GRIK2: variants seen among roughly 807,000 people sequenced by gnomAD.
The protein encoded by GRIK2 is glutamate receptor ionotropic, kainate 2.
A neutral mutation model predicts 100.3 loss-of-function variants in GRIK2; 32 were observed. The observed-to-expected ratio is 0.32, with a 90% CI of 0.24 to 0.43. The LOEUF is 0.43. GRIK2 is among the 20% of genes least tolerant of loss of function. GRIK2 has a pLI of 1.00. For missense variants in GRIK2, 843 were observed against 1,114.9 expected (o/e 0.76, Z 3.47); for synonymous variants, 417 against 389.4 (o/e 1.07, Z -0.83).
At chr6:102,064,724 C>T (rs1178299202) in intron 16 of GRIK2, among the ~76,000 whole-genome samples, 2 of 151,064 alleles carry the variant, frequency 1.3e-5, no homozygotes, top group African/African-American at 4.8e-5. Flanking sequence ...TTTCACAAAA[C>T]TCTGTATAGT....
At chr6:101,915,318 AC>A (rs1789029384) in intron 12 of GRIK2, among the ~76,000 whole-genome samples, 1 of 151,436 alleles carries the variant, frequency 6.6e-6, no homozygotes, top group Admixed American at 6.6e-5. Flanking sequence ...TACATAAACT[AC>A]GTATTTGGAA....
intron 2 of GRIK2, among the ~76,000 whole-genome samples, chr6:101,579,836 C>A (rs1292501536): frequency 4.9e-5 from 7 of 142,952 alleles, no homozygotes; most frequent in Non-Finnish European, 1.1e-4. Flanking sequence ...GGCAACAGAG[C>A]GAGACTGTGT....
chr6:101,869,113 A>G (rs967492644), intron 11 of GRIK2, among the ~76,000 whole-genome samples: 1 of 151,896 alleles, frequency 6.6e-6, no homozygotes, highest in Non-Finnish European at 1.5e-5. Context: ...AGTTCATTTA[A>G]TTGAAGCACG....
chr6:101,817,661 T>C (rs1057063473), intron 9 of GRIK2, among the ~76,000 whole-genome samples: 19 of 152,216 alleles, frequency 1.2e-4, no homozygotes, highest in African/African-American at 4.6e-4. Context: ...TCATAGTCTG[T>C]GTTCAGTGAA....
intron 12 of GRIK2, among the ~76,000 whole-genome samples, chr6:101,922,284 C>T (rs1458428107): frequency 2.6e-5 from 4 of 152,078 alleles, no homozygotes; most frequent in Non-Finnish European, 4.4e-5. Flanking sequence ...TCATTCCTCT[C>T]ATTTCCCATG....
At chr6:102,053,878 A>G (rs568378206) in intron 15 of GRIK2, among the ~76,000 whole-genome samples, 2 of 152,262 alleles carry the variant, frequency 1.3e-5, no homozygotes, top group South Asian at 4.1e-4. Flanking sequence ...TCAAGACAGA[A>G]AGTAGTATAA....
chr6:101,462,414 G>A (rs1271490105), intron 2 of GRIK2, among the ~76,000 whole-genome samples: 2 of 152,080 alleles, frequency 1.3e-5, no homozygotes, highest in African/African-American at 2.4e-5. Context: ...TGTCCCTTTG[G>A]TTTTGGAGAA....
At chr6:101,519,284 G>A (rs987116325) in intron 2 of GRIK2, among the ~76,000 whole-genome samples, 5 of 149,534 alleles carry the variant, frequency 3.3e-5, no homozygotes, top group African/African-American at 4.9e-5. Context: ...CCCTAATGGC[G>A]CATTGCGGAG....
At chr6:101,999,688 C>T (rs549518392) in intron 14 of GRIK2, among the ~76,000 whole-genome samples, 2 of 151,976 alleles carry the variant, frequency 1.3e-5, no homozygotes, top group Admixed American at 6.6e-5. Flanking sequence ...GTTTTTTGTG[C>T]CTTACTGTAT....
chr6:101,483,957 A>G (rs1041177983), intron 2 of GRIK2, among the ~76,000 whole-genome samples: 1 of 152,244 alleles, frequency 6.6e-6, no homozygotes, highest in Non-Finnish European at 1.5e-5. Flanking sequence ...TATTTTGCCA[A>G]CATAAGATTA....
intron 2 of GRIK2, among the ~76,000 whole-genome samples, chr6:101,475,544 C>G (rs1412407417): frequency 6.6e-6 from 1 of 151,872 alleles, no homozygotes; most frequent in Non-Finnish European, 1.5e-5. Context: ...ATGTCTTTCT[C>G]TTTATTGAAA....
At chr6:102,036,688 G>C (rs1275080018) in intron 15 of GRIK2, among the ~76,000 whole-genome samples, 1 of 151,330 alleles carries the variant, frequency 6.6e-6, no homozygotes, top group Admixed American at 6.6e-5. Flanking sequence ...AATGCCAGGT[G>C]ACCTTTAGAA....
intron 7 of GRIK2, among the ~76,000 whole-genome samples, chr6:101,702,262 T>C (rs1772953954): frequency 1.3e-5 from 2 of 152,018 alleles, no homozygotes; most frequent in Admixed American, 6.6e-5. Flanking sequence ...TTGAAAATCA[T>C]GGATAATCCA....
At chr6:101,437,920 A>G (rs780185464) in intron 2 of GRIK2, among the ~76,000 whole-genome samples, 1 of 152,092 alleles carries the variant, frequency 6.6e-6, no homozygotes, top group Non-Finnish European at 1.5e-5. Context: ...GTGAGAGGCA[A>G]AAACAAATAC....
chr6:101,725,434 G>T (rs2128367797), intron 7 of GRIK2, among the ~76,000 whole-genome samples: 1 of 152,062 alleles, frequency 6.6e-6, no homozygotes, highest in African/African-American at 2.4e-5. Context: ...AGTAGAAGAA[G>T]ATATTATTCA....
chr6:101,913,212 G>A (rs536341595), intron 12 of GRIK2, among the ~76,000 whole-genome samples: 5 of 151,488 alleles, frequency 3.3e-5, no homozygotes, highest in African/African-American at 9.7e-5. Context: ...AAATACACAC[G>A]GAAGAACAGA....
intron 7 of GRIK2, among the ~76,000 whole-genome samples, chr6:101,723,531 C>T (rs1774638552): frequency 6.6e-6 from 1 of 152,018 alleles, no homozygotes; most frequent in South Asian, 2.1e-4. Flanking sequence ...AGCTGCCTTC[C>T]TCCATGGCTG....
chr6:101,943,091 G>A (rs1217467134), intron 14 of GRIK2, among the ~76,000 whole-genome samples: 2 of 152,216 alleles, frequency 1.3e-5, no homozygotes, highest in Non-Finnish European at 2.9e-5. Flanking sequence ...ATGGCACCCT[G>A]AGTAGCAGCC....
chr6:101,951,054 TG>T lies in GRIK2; in HGVS notation c.2085+22423del, dbSNP rs149801379. The stretch of plus-strand genomic sequence containing the variant: ...TTGTGTGTCAGTTCCAATGTTCTGT[TG>T]TGAATCGTCATTTGTTGTGTCTTAC... On this transcript the variant is annotated intron_variant, in intron 14 of 16. Transcript: ENST00000369134. Among the ~76,000 whole-genome samples the T allele has an allele frequency of 9.1e-3, 1,380 of 152,302 alleles. 18 individuals carry two copies. Among genetic ancestry groups the T allele is most frequent in the African/African-American group, 0.031 (1,295 of 41,562 alleles).
Sources: allele counts gnomAD v4.1 joint callset (sites outside exome capture counted in the v4.1 genomes callset), GRCh38; gene constraint gnomAD v4.1.1; transcripts MANE v1.5; gene names NCBI Gene and HGNC (gene_info 2026-07-23, HGNC 2026-07-21).